Variants in DNAH8 observed in about 807,000 individuals in gnomAD.
DNAH8 encodes the protein dynein axonemal heavy chain 8.
In DNAH8, 382 loss-of-function variants were observed where a neutral mutation model predicts 562.1. The ratio of observed to expected loss-of-function variants is 0.68; its 90% CI spans 0.63 to 0.74. DNAH8 has a LOEUF of 0.74. DNAH8 is among the 30% of genes least tolerant of loss of function. The pLI is 0.00. For synonymous variants in DNAH8, 1,881 were observed against 1,919.4 expected, an observed-to-expected ratio of 0.98 and a Z score of 0.52; for missense variants, 5,203 against 5,620.4, an observed-to-expected ratio of 0.93 and a Z score of 2.37.
At chr6:38,750,401 T>C in intron 8 of DNAH8, 75 bp from the exon 9 acceptor site, 2 of 901,864 alleles carry the variant, frequency 2.2e-6, no homozygotes, top group Non-Finnish European at 3.4e-6. Context: ...TAGGGAAGAC[T>C]GAATTTCCCG....
intron 49 of DNAH8, among the ~76,000 whole-genome samples, chr6:38,871,953 A>T (rs1777501701): frequency 6.6e-6 from 1 of 152,174 alleles, no homozygotes; most frequent in African/African-American, 2.4e-5. Context: ...ATCAGGCTCA[A>T]GTCTGTCCTC....
rs748982645 is a variant in DNAH8 at position 39,026,531 on chromosome 6, CT to C, written c.13715-8del. Reference sequence around the variant, plus strand: ...TTGCAACAAGGCTTCAACATCTCTTCTTTTTTTCTTTAAGGCTTCCTCACAG... The same window carrying C: ...TTGCAACAAGGCTTCAACATCTCTTCTTTTTTCTTTAAGGCTTCCTCACAG... On this transcript the variant is annotated splice_polypyrimidine_tract_variant and intron_variant, in intron 91 of 92. Transcript: ENST00000327475. 1.3e-5 allele frequency: 21 copies of C among 1,597,902 alleles called. No individual in the cohort carries two copies. The African/African-American group carries it at 2.2e-4, about 16-fold the overall frequency.
chr6:38,881,332 A>G (rs180827626), intron 53 of DNAH8, among the ~76,000 whole-genome samples: 18 of 152,328 alleles, frequency 1.2e-4, no homozygotes, highest in Non-Finnish European at 2.2e-4. Flanking sequence ...CATTCTGTGT[A>G]CACAGTAACT....
At chr6:38,796,560 G>C (rs1336253196) in intron 21 of DNAH8, among the ~76,000 whole-genome samples, 1 of 152,160 alleles carries the variant, frequency 6.6e-6, no homozygotes, top group East Asian at 1.9e-4. Context: ...GGGCCTGGTA[G>C]TTAAAGATCG....
intron 49 of DNAH8, among the ~76,000 whole-genome samples, chr6:38,871,034 C>T (rs1777432382): frequency 6.6e-6 from 1 of 152,166 alleles, no homozygotes; most frequent in African/African-American, 2.4e-5. Flanking sequence ...TCTTTCTGTT[C>T]ATCACATTTC....
rs540247739 is a variant in DNAH8, at chr6:38,811,989, C to A, written c.3258-2065C>A. Among the ~76,000 whole-genome samples, 8 of 152,274 alleles carry A rather than the reference C, an allele frequency of 5.3e-5. No homozygotes were observed. The East Asian group carries it at 1.5e-3, about 29-fold the overall frequency. On this transcript the variant is annotated intron_variant, in intron 24 of 92. Coordinates refer to ENST00000327475, the MANE Select transcript of DNAH8 (RefSeq NM_001206927.2). Reference sequence around the variant, plus strand: ...TATCAGGGAATTTGTGGATGTGCTTCTTTTGCCCCAGGTCTGCATCTCCTG... The same window carrying A: ...TATCAGGGAATTTGTGGATGTGCTTATTTTGCCCCAGGTCTGCATCTCCTG...
intron 53 of DNAH8, among the ~76,000 whole-genome samples, chr6:38,877,994 C>A (rs997870359): frequency 1.3e-5 from 2 of 152,098 alleles, no homozygotes; most frequent in African/African-American, 2.4e-5. Context: ...TTGGCTGTCT[C>A]ACCAAATGAG....
intron 30 of DNAH8, among the ~76,000 whole-genome samples, chr6:38,829,919 C>T (rs994508027): frequency 2.0e-5 from 3 of 152,154 alleles, no homozygotes; most frequent in African/African-American, 7.2e-5. Context: ...TTTCCCCTAC[C>T]ATTTCTAGGT....
chr6:38,790,234 T>C lies in DNAH8; in HGVS notation c.2665-55T>C, dbSNP rs867489028. 3.2e-5 allele frequency: 29 copies of C among 914,364 alleles called. No homozygotes were observed. The Middle Eastern group carries it at 1.3e-3, about 40-fold the overall frequency. 56.6% of individuals were successfully genotyped at this position (914,364 alleles called of 1,614,324 possible). A position where few individuals can be genotyped will look rare whatever the true frequency, so the allele number is the denominator to read the frequency against. On this transcript the variant is annotated intron_variant, in intron 19 of 92. Coordinates refer to ENST00000327475, the MANE Select transcript of DNAH8 (RefSeq NM_001206927.2). ...TTTGTAGGTGATAAATCCTCTTCTA[T>C]AAGTGCAGATGCTCCTGTTGATAAT...
intron 10 of DNAH8, among the ~76,000 whole-genome samples, chr6:38,756,482 T>C (rs1765916796): frequency 6.6e-6 from 1 of 152,144 alleles, no homozygotes; most frequent in African/African-American, 2.4e-5. Context: ...TTTTTAAAAA[T>C]GATTAAACAA....
chr6:38,814,588 A>AC (rs2150318895), intron 25 of DNAH8, among the ~76,000 whole-genome samples: 1 of 152,082 alleles, frequency 6.6e-6, no homozygotes, highest in African/African-American at 2.4e-5. Flanking sequence ...CAAAAAAAAA[A>AC]AAGTTACTTC....
chr6:38,962,300 C>A (rs760870170), intron 82 of DNAH8, among the ~76,000 whole-genome samples: 1 of 151,984 alleles, frequency 6.6e-6, no homozygotes, highest in Non-Finnish European at 1.5e-5. Flanking sequence ...GATATTAGAG[C>A]TTCTAGAATT....
intron 57 of DNAH8, 39 bp from the exon 58 acceptor site, chr6:38,890,613 T>C: frequency 7.2e-7 from 1 of 1,397,832 alleles, no homozygotes; most frequent in Middle Eastern, 1.8e-4. Flanking sequence ...TTGGAAATCT[T>C]TTGGTAAGCT....
intron 44 of DNAH8, among the ~76,000 whole-genome samples, chr6:38,863,067 C>T (rs1776759307): frequency 6.6e-6 from 1 of 152,132 alleles, no homozygotes; most frequent in African/African-American, 2.4e-5. Flanking sequence ...TCTTGAAACT[C>T]TAGATTCATT....
At chr6:38,892,114 A>G (rs1583289578) in intron 58 of DNAH8, among the ~76,000 whole-genome samples, 1 of 152,098 alleles carries the variant, frequency 6.6e-6, no homozygotes. Context: ...TGGCTACCTC[A>G]TTAAAGTCCC....
intron 57 of DNAH8, among the ~76,000 whole-genome samples, chr6:38,889,830 A>C (rs1366032502): frequency 3.3e-5 from 5 of 152,210 alleles, no homozygotes; most frequent in African/African-American, 1.2e-4. Flanking sequence ...TAGTGTGAAC[A>C]AACTCCAGTT....
chr6:38,989,708 A>G lies in DNAH8; in HGVS notation c.13054-304A>G, dbSNP rs1284012954. Among the ~76,000 whole-genome samples, 4 of 152,152 alleles carry G rather than the reference A, an allele frequency of 2.6e-5. No individual in the cohort carries two copies. In the East Asian group the frequency reaches 7.7e-4, roughly 29 times the overall value. On this transcript the variant is annotated intron_variant, in intron 87 of 92. Transcript: ENST00000327475. Reference sequence around the variant, plus strand: ...GACTTTGCAGTATGTTCCTATTCCTAAAATGGAATTGAGGGTTGTCAAATG... The same window carrying G: ...GACTTTGCAGTATGTTCCTATTCCTGAAATGGAATTGAGGGTTGTCAAATG...
rs765016899 is a variant in DNAH8 at position 38,898,307 on chromosome 6, A to G, written c.8990A>G (p.Gln2997Arg). 1.3e-6 allele frequency: 2 copies of G among 1,591,232 alleles called. No homozygotes were observed. Among genetic ancestry groups the G allele is most frequent in the South Asian group, 1.2e-5 (1 of 84,744 alleles). The change falls in exon 61 of 93, where the codon CAG (glutamine) becomes CGG (arginine). Residue 2997 changes from glutamine (Q) to arginine (R), a missense_variant. By Grantham distance (43) the Gln-to-Arg change is conservative. Transcript: ENST00000327475. ...GAAAAACTCCAGTTTTACCAGAGACAGTTCAATGAAATCATTAGAGGAACA... is the reference window on the plus strand; with the variant it reads ...GAAAAACTCCAGTTTTACCAGAGACGGTTCAATGAAATCATTAGAGGAACA... ...LAEKLQFYQR[Q>R]FNEIIRGTSL...
chr6:38,898,407 A>C, intron 61 of DNAH8, 27 bp downstream of exon 61: 1 of 1,506,264 alleles, frequency 6.6e-7, no homozygotes, highest in South Asian at 1.4e-5. Flanking sequence ...ATTTACTGAT[A>C]TAAATAGATG....
Sources: gnomAD v4.1 joint callset for allele counts (sites outside exome capture counted in the v4.1 genomes callset) on GRCh38, gnomAD v4.1.1 for gene constraint, MANE v1.5 for transcripts, NCBI Gene and HGNC (gene_info 2026-07-23, HGNC 2026-07-21) for gene names.